PDE4D: variants seen among roughly 807,000 people sequenced by gnomAD.
PDE4D encodes the protein 3',5'-cyclic-AMP phosphodiesterase 4D.
A neutral mutation model predicts 87.4 loss-of-function variants in PDE4D; 24 were observed. The ratio of observed to expected loss-of-function variants is 0.27; its 90% CI spans 0.20 to 0.39. PDE4D has a LOEUF of 0.39. PDE4D is among the 10% of genes least tolerant of loss of function. The pLI, the probability that PDE4D is intolerant of heterozygous loss-of-function variation, is 1.00. For synonymous variants in PDE4D, 384 were observed against 383.2 expected (o/e 1.00, Z -0.02); for missense variants, 714 against 1,041.0 (o/e 0.69, Z 4.32).
At chr5:59,335,240 T>C (rs913401748) in intron 1 of PDE4D, among the ~76,000 whole-genome samples, 13 of 152,274 alleles carry the variant, frequency 8.5e-5, no homozygotes, top group Admixed American at 4.6e-4. Flanking sequence ...GCTCAATAAA[T>C]ACTAGTAGTG....
chr5:59,747,837 T>C (rs1759843188), intron 1 of PDE4D, among the ~76,000 whole-genome samples: 1 of 152,126 alleles, frequency 6.6e-6, no homozygotes, highest in Non-Finnish European at 1.5e-5. Context: ...CTTACCCCTA[T>C]TCCCCCAAAG....
intron 1 of PDE4D, among the ~76,000 whole-genome samples, chr5:59,884,585 T>C (rs1246796229): frequency 1.3e-5 from 2 of 152,044 alleles, no homozygotes; most frequent in Non-Finnish European, 2.9e-5. Flanking sequence ...ATGTATACTA[T>C]TATATGTAAT....
At chr5:60,418,495 G>GT (rs146622741) in intron 1 of PDE4D, among the ~76,000 whole-genome samples, 13,637 of 151,674 alleles carry the variant, frequency 0.09, 767 homozygotes, top group Non-Finnish European at 0.13. Context: ...TATCTTATTT[G>GT]TTTTTTTGTT....
chr5:60,379,372 G>T (rs570505442), intron 1 of PDE4D, among the ~76,000 whole-genome samples: 1 of 151,956 alleles, frequency 6.6e-6, no homozygotes, highest in Non-Finnish European at 1.5e-5. Flanking sequence ...ATTTTTAGCC[G>T]CAAGAGTTAC....
At position 59,448,584 on chromosome 5, in the gene PDE4D, G is replaced by A. The variant is rs112269849; in HGVS notation, c.456-232616C>T. ...CTCAAATGTGTTTTGTTTTGTTTCT[G>A]TATCAATATGGAGAGTAAAAAGGAA... On this transcript the variant is annotated intron_variant, in intron 1 of 14. Transcript: ENST00000340635. 7.2e-5 allele frequency among the ~76,000 whole-genome samples: 11 copies of A among 152,278 alleles called. 2 individuals carry two copies. The highest frequency in any genetic ancestry group is 2.6e-4 in the African/African-American group (11 of 41,546).
chr5:59,596,426 C>T (rs1826695817), intron 1 of PDE4D, among the ~76,000 whole-genome samples: 1 of 151,460 alleles, frequency 6.6e-6, no homozygotes, highest in Non-Finnish European at 1.5e-5. Context: ...ATTGCCACTC[C>T]ATTTTTAAGT....
chr5:59,376,255 C>T (rs1033409956), intron 1 of PDE4D, among the ~76,000 whole-genome samples: 1 of 152,146 alleles, frequency 6.6e-6, no homozygotes, highest in Admixed American at 6.5e-5. Flanking sequence ...TCCCAGTTTG[C>T]AGATTACACG....
chr5:59,753,458 A>G (rs1248459874), intron 1 of PDE4D, among the ~76,000 whole-genome samples: 1 of 152,148 alleles, frequency 6.6e-6, no homozygotes, highest in Non-Finnish European at 1.5e-5. Flanking sequence ...TGTGCGTGTT[A>G]AATATAAATT....
Position 58,976,476 on chromosome 5 carries a change from A to C in PDE4D, c.1708-4T>G. ...TTGACATATCTGTTGCAAGTACCTTAAAATATAGAGTATATTATTAAGTTC... is the reference window on the plus strand; with the variant it reads ...TTGACATATCTGTTGCAAGTACCTTCAAATATAGAGTATATTATTAAGTTC... On this transcript the variant is annotated splice_polypyrimidine_tract_variant and splice_region_variant and intron_variant, in intron 12 of 14. Transcript: ENST00000340635. 6.5e-7 allele frequency: 1 copy of C among 1,547,584 alleles called. No individual in the cohort carries two copies. The highest frequency in any genetic ancestry group is 8.8e-7 in the Non-Finnish European group (1 of 1,139,684).
At chr5:59,417,007 A>G (rs1793722511) in intron 1 of PDE4D, among the ~76,000 whole-genome samples, 1 of 152,194 alleles carries the variant, frequency 6.6e-6, no homozygotes, top group Admixed American at 6.5e-5. Flanking sequence ...ATTTCACCCA[A>G]GAGATATTCC....
chr5:60,039,131 T>C (rs1308554434), intron 2 of PDE4D, among the ~76,000 whole-genome samples: 1 of 151,512 alleles, frequency 6.6e-6, no homozygotes, highest in Non-Finnish European at 1.5e-5. Flanking sequence ...TAAAGACACA[T>C]GCACATGTAT....
intron 6 of PDE4D, among the ~76,000 whole-genome samples, chr5:59,022,378 CTCTT>C (rs372555742): frequency 6.6e-6 from 1 of 152,122 alleles, no homozygotes; most frequent in Non-Finnish European, 1.5e-5. Flanking sequence ...TCCTCTTTCT[CTCTT>C]TCTTTCCTTA....
At position 60,210,641 on chromosome 5, in the gene PDE4D, G is replaced by A. The variant is rs533497601; in HGVS notation, c.-89-24954C>T. On this transcript the variant is annotated intron_variant, in intron 1 of 16. Transcript: ENST00000502484. Reference sequence around the variant, plus strand: ...CCCCCTCCCCAATTTTTTTAACCTGGAAGCTCTTTGATGTCTAAGAAACCA... The same window carrying A: ...CCCCCTCCCCAATTTTTTTAACCTGAAAGCTCTTTGATGTCTAAGAAACCA... Among the ~76,000 whole-genome samples, 30 of 152,032 alleles carry A rather than the reference G, an allele frequency of 2.0e-4. 1 individual carries two copies. The Middle Eastern group carries it at 0.031, about 156-fold the overall frequency.
At chr5:60,495,609 T>TC (rs1749771290) in intron 1 of PDE4D, among the ~76,000 whole-genome samples, 1 of 152,198 alleles carries the variant, frequency 6.6e-6, no homozygotes, top group Non-Finnish European at 1.5e-5. Context: ...TCAGAATCAA[T>TC]CCCAACTTCA....
intron 2 of PDE4D, among the ~76,000 whole-genome samples, chr5:59,203,794 C>G (rs1016819528): frequency 1.3e-5 from 2 of 152,030 alleles, no homozygotes; most frequent in African/African-American, 4.8e-5. Flanking sequence ...AAAACAAAAT[C>G]AAACTTATAG....
chr5:59,663,177 T>TC (rs1256494862), intron 1 of PDE4D, among the ~76,000 whole-genome samples: 1 of 152,094 alleles, frequency 6.6e-6, no homozygotes, highest in Non-Finnish European at 1.5e-5. Flanking sequence ...GTTTTTTTTT[T>TC]CCTTTGAGAT....
chr5:59,460,621 C>G (rs74684131), intron 1 of PDE4D, among the ~76,000 whole-genome samples: 3,046 of 152,248 alleles, frequency 0.02, 106 homozygotes, highest in African/African-American at 0.07. Flanking sequence ...GGAGAGGCCT[C>G]CCTGAAATAC....
intron 2 of PDE4D, among the ~76,000 whole-genome samples, chr5:60,020,505 C>A (rs548952481): frequency 2.4e-4 from 37 of 152,108 alleles, no homozygotes; most frequent in Non-Finnish European, 4.6e-4. Context: ...TACACACATA[C>A]ACACACAAAC....
At position 60,462,222 on chromosome 5, in the gene PDE4D, C is replaced by T. The variant is rs991357675; in HGVS notation, c.-90+25720G>A. Reference sequence around the variant, plus strand: ...CTTGAATTTCCTGCCCCAAGTGGTCCGAAACCAGCTTCCAGGGCCTGGGTG... The same window carrying T: ...CTTGAATTTCCTGCCCCAAGTGGTCTGAAACCAGCTTCCAGGGCCTGGGTG... On this transcript the variant is annotated intron_variant, in intron 1 of 16. Transcript: ENST00000502484. Among the ~76,000 whole-genome samples the T allele has an allele frequency of 2.6e-5, 4 of 152,232 alleles. No homozygotes were observed. The South Asian group carries it at 6.2e-4, about 24-fold the overall frequency.
Sources: gnomAD v4.1 joint callset for allele counts (sites outside exome capture counted in the v4.1 genomes callset) on GRCh38, gnomAD v4.1.1 for gene constraint, MANE v1.5 for transcripts, NCBI Gene and HGNC (gene_info 2026-07-23, HGNC 2026-07-21) for gene names.